The following MAPKBP1 variants were observed in gnomAD, a reference collection of about 807,000 sequenced individuals.
MAPKBP1 encodes mitogen-activated protein kinase-binding protein 1.
A neutral mutation model predicts 170.5 loss-of-function variants in MAPKBP1; 71 were observed. The observed-to-expected ratio is 0.42, with a 90% CI of 0.34 to 0.51. The LOEUF (loss-of-function observed/expected upper bound fraction) is 0.51, where lower values mean the gene tolerates loss of function less well. Ranked by LOEUF, MAPKBP1 falls within the 20% of genes least tolerant of loss-of-function variation. The pLI, the probability that MAPKBP1 is intolerant of heterozygous loss-of-function variation, is 0.06. For missense variants in MAPKBP1, 1,598 were observed against 1,933.0 expected (o/e 0.83, Z 3.25); for synonymous variants, 719 against 757.9 (o/e 0.95, Z 0.84).
intron 2 of MAPKBP1, among the ~76,000 whole-genome samples, chr15:41,792,859 C>T (rs2064418320): frequency 6.6e-6 from 1 of 152,162 alleles, no homozygotes; most frequent in Non-Finnish European, 1.5e-5. Context: ...AGAACTCTCA[C>T]TTGTGGGCTT....
chr15:41,807,680 T>C (rs1436945254), intron 3 of MAPKBP1, among the ~76,000 whole-genome samples: 4 of 152,230 alleles, frequency 2.6e-5, no homozygotes, highest in African/African-American at 9.7e-5. Flanking sequence ...GGGCTCTGAA[T>C]TCATGATAGT....
intron 29 of MAPKBP1, 105 bp downstream of exon 29, chr15:41,824,166 GTTTC>G: frequency 2.1e-6 from 3 of 1,450,700 alleles, no homozygotes; most frequent in Non-Finnish European, 1.8e-6. Flanking sequence ...AGCTTCTGGT[GTTTC>G]TTGTCCTGTC....
Position 41,824,067 on chromosome 15 carries a change from C to T in MAPKBP1, c.4213+6C>T. On this transcript the variant is annotated splice_donor_region_variant and intron_variant, in intron 29 of 30. Coordinates refer to ENST00000457542, the MANE Select transcript of MAPKBP1 (RefSeq NM_014994.3). ...AGCCCTGAGCCAGGACTCAGGTGTG[C>T]ACAGCTCCCCAGCTCTCATCTCCTG... 1 of 1,590,092 alleles carries T rather than the reference C, an allele frequency of 6.3e-7. No individual in the cohort carries two copies. Among genetic ancestry groups the T allele is most frequent in the Non-Finnish European group, 8.5e-7 (1 of 1,172,094 alleles).
chr15:41,782,424 A>G (rs2064207184), intron 2 of MAPKBP1, among the ~76,000 whole-genome samples: 1 of 152,188 alleles, frequency 6.6e-6, no homozygotes, highest in African/African-American at 2.4e-5. Flanking sequence ...ACGTGATGCG[A>G]ATGTTGTCAT....
At chr15:41,819,454 T>G (rs1255801816) in intron 21 of MAPKBP1, 75 bp downstream of exon 21, 31 of 1,584,636 alleles carry the variant, frequency 2.0e-5, no homozygotes, top group African/African-American at 2.8e-5. Flanking sequence ...TCTGAGACTG[T>G]GGGGTGAGAG....
intron 3 of MAPKBP1, among the ~76,000 whole-genome samples, chr15:41,804,871 G>T (rs928340874): frequency 3.9e-5 from 6 of 152,200 alleles, no homozygotes; most frequent in Admixed American, 3.3e-4. Flanking sequence ...CTGGGTGTTT[G>T]AGTTTTGCTG....
intron 3 of MAPKBP1, among the ~76,000 whole-genome samples, chr15:41,805,008 C>G (rs1438501072): frequency 2.0e-5 from 3 of 152,178 alleles, no homozygotes; most frequent in Admixed American, 2.0e-4. Context: ...TTACACTGCC[C>G]CCAGCCCCCA....
In MAPKBP1 at chr15:41,812,065, G is replaced by A. The variant is rs759447759; in HGVS notation, c.436G>A (p.Ala146Thr). 1.4e-5 allele frequency: 22 copies of A among 1,613,964 alleles called. 1 individual carries two copies. The highest frequency in any genetic ancestry group is 1.6e-4 in the Middle Eastern group (1 of 6,084). The stretch of plus-strand genomic sequence containing the variant: ...GGCTTGTGTGGCCTTCTCTCCTAGC[G>A]CCAAGTACATTGTCTCTGTGGGCTA... ...GVACVAFSPSAKYIVSVGYQH... is the reference protein window; with the variant it reads ...GVACVAFSPSTKYIVSVGYQH... The change falls in exon 6 of 31, where the codon GCC (alanine) becomes ACC (threonine). Residue 146 changes from alanine to threonine, a missense_variant. Ala to Thr is a moderately conservative substitution (Grantham distance 58, BLOSUM62 0). Coordinates refer to ENST00000457542, the MANE Select transcript of MAPKBP1 (RefSeq NM_014994.3).
intron 5 of MAPKBP1, chr15:41,811,671 C>A: frequency 1.5e-6 from 1 of 646,288 alleles, no homozygotes; most frequent in Non-Finnish European, 2.9e-6. Context: ...GGTAGTGGCT[C>A]TCAATGCCGG....
intron 2 of MAPKBP1, among the ~76,000 whole-genome samples, chr15:41,791,464 A>G (rs1387596373): frequency 6.6e-6 from 1 of 152,178 alleles, no homozygotes; most frequent in Non-Finnish European, 1.5e-5. Context: ...CCAAGCAGGA[A>G]GCCCTTCCTA....
rs755735014 is a variant in MAPKBP1 at position 41,818,136 on chromosome 15, G to A, written c.1980+52G>A. The A allele has an allele frequency of 6.2e-7, 1 of 1,609,706 alleles. No homozygotes were observed. The highest frequency in any genetic ancestry group is 1.3e-5 in the African/African-American group (1 of 74,918). On this transcript the variant is annotated intron_variant, in intron 17 of 30. Coordinates refer to ENST00000457542, the MANE Select transcript of MAPKBP1 (RefSeq NM_014994.3). The surrounding 1 kb of genome is among the most constrained non-coding windows in gnomAD (Gnocchi z 5.2). ...AGGGGCTCGGGGACAGAGTGGTGCTGGGTGGGAGGGACTGGTACTTCCCAT... is the reference window on the plus strand; with the variant it reads ...AGGGGCTCGGGGACAGAGTGGTGCTAGGTGGGAGGGACTGGTACTTCCCAT...
At chr15:41,786,596 CT>C (rs2064294271) in intron 2 of MAPKBP1, among the ~76,000 whole-genome samples, 1 of 150,274 alleles carries the variant, frequency 6.7e-6, no homozygotes, top group Non-Finnish European at 1.5e-5. Flanking sequence ...AACCCCGTCT[CT>C]ACTAAAAATA....
intron 6 of MAPKBP1, 102 bp from the exon 7 acceptor site, chr15:41,812,414 A>G: frequency 6.6e-7 from 1 of 1,504,834 alleles, no homozygotes; most frequent in Non-Finnish European, 9.2e-7. Flanking sequence ...GGAAAGAAAC[A>G]CTTTGTCAAG....
In MAPKBP1 at chr15:41,824,566, C is replaced by G. The variant is rs968380699; in HGVS notation, c.4296C>G (p.His1432Gln). ...GSVRQAVRLY[H>Q]SVAGCKMPSA... ...TGCGCCAGGCAGTGCGGCTCTACCA[C>G]TCGGTGGGTGTTAGGTGCCCCCCGG... Residue 1432 changes from histidine (H) to glutamine (Q), a missense_variant, in exon 30 of 31, where the codon CAC becomes CAG. Physicochemically the swap from His to Gln is conservative, Grantham distance 24 (BLOSUM62 0). This residue lies in a region of MAPKBP1 where 942 missense variants were observed against 953.2 expected (regional missense o/e 0.99). Transcript: ENST00000457542. 3.8e-6 allele frequency: 6 copies of G among 1,592,730 alleles called. No individual in the cohort carries two copies. The Admixed American group carries it at 5.2e-5, about 14-fold the overall frequency.
chr15:41,813,225 C>G, intron 8 of MAPKBP1, 124 bp downstream of exon 8: 1 of 1,508,632 alleles, frequency 6.6e-7, no homozygotes, highest in Non-Finnish European at 9.1e-7. Flanking sequence ...GAGAACGAAG[C>G]TTGGGGGAGC....
chr15:41,798,322 ACCCAGG>A (rs1203137826), intron 2 of MAPKBP1, among the ~76,000 whole-genome samples: 1 of 147,708 alleles, frequency 6.8e-6, no homozygotes, highest in Non-Finnish European at 1.5e-5. Flanking sequence ...TCGCTGTGTC[ACCCAGG>A]CTGGAGTGCA....
At chr15:41,821,511 A>G (rs1321263892) in intron 23 of MAPKBP1, 73 bp from the exon 24 acceptor site, 7 of 1,468,458 alleles carry the variant, frequency 4.8e-6, no homozygotes, top group Non-Finnish European at 2.8e-6. Context: ...CAGGATACTC[A>G]GGGCTTACCC....
chr15:41,818,442 G>C lies in MAPKBP1; in HGVS notation c.2093-77G>C. The C allele has an allele frequency of 6.8e-7, 1 of 1,480,050 alleles. No individual in the cohort carries two copies. The highest frequency in any genetic ancestry group is 9.4e-7 in the Non-Finnish European group (1 of 1,067,262). 91.7% of individuals were successfully genotyped at this position (1,480,050 alleles called of 1,614,324 possible). On this transcript the variant is annotated intron_variant, in intron 18 of 30. Coordinates refer to ENST00000457542, the MANE Select transcript of MAPKBP1 (RefSeq NM_014994.3). The surrounding 1 kb of genome is among the most constrained non-coding windows in gnomAD (Gnocchi z 5.2). ...TATCCCTACCCTGCAGCCAACCCCC[G>C]TGTCCACTGTTGGGATGGAGAGGAC... is the stretch of plus-strand genomic sequence containing the variant.
At chr15:41,812,153 G>C in intron 6 of MAPKBP1, 26 bp downstream of exon 6, 1 of 1,613,318 alleles carries the variant, frequency 6.2e-7, no homozygotes. Flanking sequence ...GGGTGGCCTG[G>C]CAGCCTCACA....
Sources: gnomAD v4.1 joint callset for allele counts (sites outside exome capture counted in the v4.1 genomes callset) on GRCh38, gnomAD v4.1.1 for gene constraint, gnomAD v4.1.1 regional missense constraint, Gnocchi (gnomAD v3.1) non-coding constraint, MANE v1.5 for transcripts, NCBI Gene and HGNC (gene_info 2026-07-23, HGNC 2026-07-21) for gene names.